ESR1: variants seen among roughly 807,000 people sequenced by gnomAD.
ESR1 encodes estrogen receptor 1, also known as estrogen receptor.
Under a neutral mutation model 52.7 loss-of-function variants are expected in ESR1, and 12 were observed. That is an observed-to-expected ratio of 0.23 (90% CI 0.15 to 0.37). The LOEUF is 0.37. Among genes scored for constraint, ESR1 ranks in the 10% least tolerant of loss-of-function variants. The pLI is 1.00. For synonymous variants in ESR1, 305 were observed against 316.8 expected (o/e 0.96, Z 0.39); for missense variants, 584 against 779.7 (o/e 0.75, Z 2.99).
intron 2 of ESR1, among the ~76,000 whole-genome samples, chr6:151,799,338 T>C (rs1446196619): frequency 2.0e-5 from 3 of 152,268 alleles, no homozygotes; most frequent in Admixed American, 6.5e-5. Flanking sequence ...ACATTCATTC[T>C]AATTGTCTAT....
intron 2 of ESR1, among the ~76,000 whole-genome samples, chr6:151,745,623 T>C (rs1783425873): frequency 6.6e-6 from 1 of 152,178 alleles, no homozygotes; most frequent in Admixed American, 6.5e-5. Flanking sequence ...GTAAGTTTTG[T>C]ATGTCACAGG....
chr6:152,057,104 T>G lies in ESR1; in HGVS notation c.1236-3887T>G, dbSNP rs191024524. On this transcript the variant is annotated intron_variant, in intron 5 of 7. Coordinates refer to ENST00000206249, the MANE Select transcript of ESR1 (RefSeq NM_000125.4). The stretch of plus-strand genomic sequence containing the variant: ...TTTGAAAATGAAGCCCTGACCACAA[T>G]GCATAATGACCTCAGTAGACACTGA... Among the ~76,000 whole-genome samples the G allele has an allele frequency of 7.2e-5, 11 of 152,256 alleles. No homozygotes were observed. In the East Asian group the frequency reaches 1.9e-3, roughly 27 times the overall value.
At position 152,011,668 on chromosome 6, in the gene ESR1, T is replaced by C. The variant is rs2128778226; in HGVS notation, c.1109T>C (p.Leu370Ser). 1 of 1,613,270 alleles carries C rather than the reference T, an allele frequency of 6.2e-7. No homozygotes were observed. Among genetic ancestry groups the C allele is most frequent in the Non-Finnish European group, 8.5e-7 (1 of 1,179,480 alleles). The part of the protein sequence containing the change: ...WAKRVPGFVD[L>S]TLHDQVHLLE... ...TGCTTGTTTTCAGGCTTTGTGGATT[T>C]GACCCTCCATGATCAGGTCCACCTT... The change falls in exon 5 of 8, where the codon TTG becomes TCG. Residue 370 changes from leucine to serine, a missense_variant. Leu to Ser is a moderately radical substitution (Grantham distance 145, BLOSUM62 -2). Transcript: ENST00000206249.
chr6:151,809,282 C>T (rs910141671), intron 1 of ESR1: 3 of 367,086 alleles, frequency 8.2e-6, no homozygotes, highest in Admixed American at 6.6e-5. Flanking sequence ...GTTGTGTGTC[C>T]TCATTTTAAT....
chr6:151,736,883 T>C (rs1262284355), intron 2 of ESR1, among the ~76,000 whole-genome samples: 2 of 152,028 alleles, frequency 1.3e-5, no homozygotes, highest in East Asian at 3.9e-4. Flanking sequence ...CTACTAAAAA[T>C]TGTGCTGTAT....
intron 5 of ESR1, among the ~76,000 whole-genome samples, chr6:152,056,849 T>A (rs185244219): frequency 2.0e-5 from 3 of 152,306 alleles, no homozygotes; most frequent in African/African-American, 7.2e-5. Context: ...ACTGGAGCTG[T>A]GTGCTTCCTT....
intron 2 of ESR1, among the ~76,000 whole-genome samples, chr6:151,733,133 G>T (rs1178161663): frequency 6.6e-6 from 1 of 152,080 alleles, no homozygotes; most frequent in African/African-American, 2.4e-5. Flanking sequence ...TTTAATCTTT[G>T]CAATCATGCA....
chr6:152,112,090 T>C (rs1445081324), intron 6 of ESR1, among the ~76,000 whole-genome samples: 1 of 152,208 alleles, frequency 6.6e-6, no homozygotes, highest in African/African-American at 2.4e-5. Flanking sequence ...TTATTTTAGT[T>C]ACTTGGCAAT....
chr6:151,995,403 T>C (rs897774590), intron 4 of ESR1, among the ~76,000 whole-genome samples: 2 of 152,146 alleles, frequency 1.3e-5, no homozygotes, highest in Non-Finnish European at 2.9e-5. Flanking sequence ...CCAAGATTTA[T>C]TGAGCACTTA....
At chr6:152,097,219 C>G (rs1297370378) in intron 7 of ESR1, among the ~76,000 whole-genome samples, 1 of 151,774 alleles carries the variant, frequency 6.6e-6, no homozygotes, top group Non-Finnish European at 1.5e-5. Context: ...TATTTTGGTT[C>G]CTCACTAAGC....
At chr6:151,779,677 T>C (rs1786343941) in intron 2 of ESR1, among the ~76,000 whole-genome samples, 1 of 152,166 alleles carries the variant, frequency 6.6e-6, no homozygotes. Context: ...TTACTGGGTA[T>C]ATACCCAAAG....
chr6:151,976,342 A>G (rs528118532), intron 4 of ESR1, among the ~76,000 whole-genome samples: 2 of 152,264 alleles, frequency 1.3e-5, no homozygotes, highest in Non-Finnish European at 2.9e-5. Flanking sequence ...ACTACTATCC[A>G]TATTAACTGA....
chr6:151,817,590 G>A (rs1414865951), intron 1 of ESR1, among the ~76,000 whole-genome samples: 1 of 152,178 alleles, frequency 6.6e-6, no homozygotes, highest in Non-Finnish European at 1.5e-5. Context: ...TCCAAAATAA[G>A]TTTCAAGACT....
chr6:152,037,478 T>G (rs2045408688), intron 5 of ESR1, among the ~76,000 whole-genome samples: 1 of 152,252 alleles, frequency 6.6e-6, no homozygotes, highest in Admixed American at 6.5e-5. Flanking sequence ...GCTTTGCTGT[T>G]AATGAAGCTC....
chr6:151,794,463 A>C (rs1267287956), intron 2 of ESR1, among the ~76,000 whole-genome samples: 1 of 152,240 alleles, frequency 6.6e-6, no homozygotes, highest in African/African-American at 2.4e-5. Context: ...AAAAGATCTT[A>C]ATGCCTGATA....
intron 2 of ESR1, among the ~76,000 whole-genome samples, chr6:151,746,355 A>G (rs1318221073): frequency 6.6e-6 from 1 of 152,252 alleles, no homozygotes; most frequent in Non-Finnish European, 1.5e-5. Flanking sequence ...GACATAGCTC[A>G]CGAAGAAGAT....
At chr6:151,739,162 G>A (rs1263406863) in intron 2 of ESR1, among the ~76,000 whole-genome samples, 5 of 152,150 alleles carry the variant, frequency 3.3e-5, no homozygotes, top group African/African-American at 1.2e-4. Flanking sequence ...TCAAGGTTAA[G>A]TTTCTTAGTC....
upstream of ESR1, among the ~76,000 whole-genome samples, chr6:151,686,549 G>A (rs750867941): frequency 4.6e-5 from 7 of 152,150 alleles, no homozygotes; most frequent in Admixed American, 1.3e-4. Flanking sequence ...TTAGCCGGGC[G>A]TGGCGGCGGG....
At chr6:151,961,577 G>T (rs934143408) in intron 4 of ESR1, among the ~76,000 whole-genome samples, 3 of 152,170 alleles carry the variant, frequency 2.0e-5, no homozygotes, top group African/African-American at 7.2e-5. Flanking sequence ...GTGCACTGGA[G>T]GAGGGAGTGT....
Sources: allele counts gnomAD v4.1 joint callset (sites outside exome capture counted in the v4.1 genomes callset), GRCh38; gene constraint gnomAD v4.1.1; transcripts MANE v1.5; gene names NCBI Gene and HGNC (gene_info 2026-07-23, HGNC 2026-07-21).